Variants in TNR observed in about 807,000 individuals in gnomAD.
TNR encodes tenascin R, also known as tenascin-R.
Under a neutral mutation model 150.4 loss-of-function variants are expected in TNR, and 45 were observed. The observed-to-expected ratio is 0.30, with a 90% CI of 0.24 to 0.38. The LOEUF (loss-of-function observed/expected upper bound fraction) is 0.38, where lower values mean the gene tolerates loss of function less well. Ranked by LOEUF, TNR falls within the 10% of genes least tolerant of loss-of-function variation. TNR has a pLI of 1.00. For synonymous variants in TNR, 687 were observed against 678.4 expected (o/e 1.01, Z -0.20); for missense variants, 1,544 against 1,759.1 (o/e 0.88, Z 2.19).
At position 175,317,540 on chromosome 1, in the gene TNR, G is replaced by A. The variant is rs575880493; in HGVS notation, c.*5817C>T. 2.6e-5 allele frequency: 4 copies of A among 152,360 alleles called. No homozygotes were observed. Among genetic ancestry groups the A allele is most frequent in the African/African-American group, 7.2e-5 (3 of 41,564 alleles). 9.4% of individuals were successfully genotyped at this position (152,360 alleles called of 1,614,324 possible). A position where few individuals can be genotyped will look rare whatever the true frequency, so the allele number is the denominator to read the frequency against. ...TAACAGTTCATGCATTCTTGTCCTT[G>A]TGTTCACTTACTGACAGTGCATCTG... is the stretch of plus-strand genomic sequence containing the variant. On this transcript the variant is annotated 3_prime_UTR_variant, in exon 23 of 23. Coordinates refer to ENST00000367674, the MANE Select transcript of TNR (RefSeq NM_003285.3).
intron 2 of TNR, among the ~76,000 whole-genome samples, chr1:175,505,465 C>T (rs1002616479): frequency 1.3e-5 from 2 of 152,192 alleles, no homozygotes; most frequent in East Asian, 3.9e-4. Flanking sequence ...TCCAGGAGGT[C>T]AGCAACCCGC....
intron 2 of TNR, among the ~76,000 whole-genome samples, chr1:175,476,510 T>C (rs1657551031): frequency 6.6e-6 from 1 of 152,210 alleles, no homozygotes; most frequent in South Asian, 2.1e-4. Context: ...CAGTGTCCTC[T>C]TGCTGCTTAG....
chr1:175,421,315 A>C (rs1442738609), intron 2 of TNR, among the ~76,000 whole-genome samples: 1 of 152,220 alleles, frequency 6.6e-6, no homozygotes, highest in Non-Finnish European at 1.5e-5. Context: ...CTTTCCTTGG[A>C]GTACTTAATA....
At chr1:175,560,223 C>T (rs1480521677) in intron 1 of TNR, among the ~76,000 whole-genome samples, 1 of 152,170 alleles carries the variant, frequency 6.6e-6, no homozygotes, top group Non-Finnish European at 1.5e-5. Flanking sequence ...TTAGCCAGTC[C>T]CATAGTCTGT....
chr1:175,465,309 A>T (rs1571479006), intron 2 of TNR, among the ~76,000 whole-genome samples: 2 of 152,302 alleles, frequency 1.3e-5, no homozygotes, highest in East Asian at 1.9e-4. Context: ...AAAACAAACA[A>T]CCCATGGAAA....
intron 2 of TNR, among the ~76,000 whole-genome samples, chr1:175,480,502 T>G (rs1291654179): frequency 6.6e-6 from 1 of 151,568 alleles, no homozygotes; most frequent in Admixed American, 6.6e-5. Context: ...GAGGTCGAGT[T>G]TGCCCTGCTG....
At chr1:175,401,955 G>A (rs1653720309) in intron 4 of TNR, among the ~76,000 whole-genome samples, 2 of 152,332 alleles carry the variant, frequency 1.3e-5, no homozygotes, top group South Asian at 4.1e-4. Flanking sequence ...AGTAGTCACT[G>A]ATTTAGTCAG....
chr1:175,471,284 C>G (rs1018105222), intron 2 of TNR, among the ~76,000 whole-genome samples: 1 of 152,180 alleles, frequency 6.6e-6, no homozygotes, highest in Non-Finnish European at 1.5e-5. Context: ...CCAGTGATCA[C>G]GTCAGTCTGT....
intron 2 of TNR, among the ~76,000 whole-genome samples, chr1:175,520,034 A>G (rs1347524761): frequency 6.6e-6 from 1 of 152,230 alleles, no homozygotes; most frequent in African/African-American, 2.4e-5. Flanking sequence ...TTATCTATAA[A>G]ATGGAGATAG....
At chr1:175,540,728 C>T (rs970313857) in intron 1 of TNR, among the ~76,000 whole-genome samples, 1 of 152,164 alleles carries the variant, frequency 6.6e-6, no homozygotes, top group African/African-American at 2.4e-5. Flanking sequence ...AGCCACTTCT[C>T]TCAGCCCTTG....
At chr1:175,676,825 G>A (rs1382037531) in intron 1 of TNR, among the ~76,000 whole-genome samples, 1 of 152,168 alleles carries the variant, frequency 6.6e-6, no homozygotes, top group Non-Finnish European at 1.5e-5. Context: ...CCTGCACACA[G>A]AGCTAGTTAG....
At chr1:175,625,424 G>C (rs1297359238) in intron 1 of TNR, among the ~76,000 whole-genome samples, 1 of 152,232 alleles carries the variant, frequency 6.6e-6, no homozygotes, top group East Asian at 1.9e-4. Context: ...CTTGCACTGG[G>C]TCTGTTAGCA....
At chr1:175,460,343 C>T (rs1362300105) in intron 2 of TNR, among the ~76,000 whole-genome samples, 1 of 152,074 alleles carries the variant, frequency 6.6e-6, no homozygotes, top group Non-Finnish European at 1.5e-5. Flanking sequence ...ACCCACTGGG[C>T]TTTGGAAAAA....
chr1:175,566,651 A>G (rs1449529880), intron 1 of TNR, among the ~76,000 whole-genome samples: 3 of 152,210 alleles, frequency 2.0e-5, no homozygotes, highest in African/African-American at 7.2e-5. Flanking sequence ...TGACTCCTAC[A>G]GTCACCACGG....
chr1:175,717,023 T>A (rs1419568141), intron 1 of TNR, among the ~76,000 whole-genome samples: 1 of 152,218 alleles, frequency 6.6e-6, no homozygotes, highest in Non-Finnish European at 1.5e-5. Flanking sequence ...TACTTATACA[T>A]TAGCCATAGT....
intron 2 of TNR, among the ~76,000 whole-genome samples, chr1:175,431,540 T>C (rs985059958): frequency 6.6e-6 from 1 of 152,078 alleles, no homozygotes; most frequent in African/African-American, 2.4e-5. Flanking sequence ...ATCCAATCAG[T>C]CCTTTAGATC....
intron 1 of TNR, among the ~76,000 whole-genome samples, chr1:175,687,381 A>T (rs1410445885): frequency 6.6e-6 from 1 of 152,110 alleles, no homozygotes; most frequent in Non-Finnish European, 1.5e-5. Context: ...TTACCCCTGC[A>T]TTACGGTCTT....
rs566123338 is a variant in TNR at position 175,639,632 on chromosome 1, T to C, written c.-165+103594A>G. Among the ~76,000 whole-genome samples, 8 of 152,320 alleles carry C rather than the reference T, an allele frequency of 5.3e-5. No homozygotes were observed. The East Asian group carries it at 9.7e-4, about 18-fold the overall frequency. ...TGCTCAAAAACCTTTAGTGTCTTTCTAGCTCATGTGAGGTAAAAGACAAGG... is the reference window on the plus strand; with the variant it reads ...TGCTCAAAAACCTTTAGTGTCTTTCCAGCTCATGTGAGGTAAAAGACAAGG... On this transcript the variant is annotated intron_variant, in intron 1 of 22. Transcript: ENST00000367674.
chr1:175,494,671 C>T (rs1446333018), intron 2 of TNR, among the ~76,000 whole-genome samples: 2 of 152,182 alleles, frequency 1.3e-5, no homozygotes, highest in African/African-American at 4.8e-5. Flanking sequence ...CGCTAACAAG[C>T]CCGGTGGCTC....
Sources: gnomAD v4.1 joint callset for allele counts (sites outside exome capture counted in the v4.1 genomes callset) on GRCh38, gnomAD v4.1.1 for gene constraint, MANE v1.5 for transcripts, NCBI Gene and HGNC (gene_info 2026-07-23, HGNC 2026-07-21) for gene names.